The following UCMA variants were observed in gnomAD, a reference collection of about 807,000 sequenced individuals.
UCMA encodes upper zone of growth plate and cartilage matrix associated.
Under a neutral mutation model 21.8 loss-of-function variants are expected in UCMA, and 21 were observed. The observed-to-expected ratio is 0.97, with a 90% CI of 0.68 to 1.39. The LOEUF (loss-of-function observed/expected upper bound fraction) is 1.39, where lower values mean the gene tolerates loss of function less well. UCMA is among the 40% of genes most tolerant of loss of function. The pLI is 0.00. For synonymous variants in UCMA, 76 were observed against 67.9 expected (o/e 1.12, Z -0.58); for missense variants, 193 against 178.9 (o/e 1.08, Z -0.45).
At chr10:13,224,125 A>G (rs1248727001) in intron 4 of UCMA, among the ~76,000 whole-genome samples, 2 of 152,154 alleles carry the variant, frequency 1.3e-5, no homozygotes, top group Admixed American at 6.5e-5. Context: ...GGAGTTTGAG[A>G]CCAGCCTGAG....
intron 4 of UCMA, among the ~76,000 whole-genome samples, chr10:13,222,963 G>A (rs986215659): frequency 6.2e-4 from 94 of 151,926 alleles, no homozygotes; most frequent in African/African-American, 2.2e-3. Context: ...GATGGCTCAT[G>A]CCTATAATCC....
At chr10:13,226,062 C>T (rs1032036833) in intron 4 of UCMA, among the ~76,000 whole-genome samples, 1 of 152,146 alleles carries the variant, frequency 6.6e-6, no homozygotes, top group Non-Finnish European at 1.5e-5. Context: ...TGCATTTGCT[C>T]ATCCTTGATT....
chr10:13,233,831 A>G (rs1834933954), intron 1 of UCMA, 31 bp from the exon 2 acceptor site: 2 of 1,612,820 alleles, frequency 1.2e-6, no homozygotes, highest in Non-Finnish European at 1.7e-6. Flanking sequence ...GTGAGGCTGC[A>G]GCATCAGAGG....
chr10:13,227,354 C>T (rs556191941), intron 4 of UCMA, among the ~76,000 whole-genome samples: 10 of 152,316 alleles, frequency 6.6e-5, no homozygotes, highest in South Asian at 2.1e-4. Flanking sequence ...TCCAAGTTCA[C>T]GTGCACCCAG....
At chr10:13,232,145 A>AC (rs1554779174) in intron 3 of UCMA, among the ~76,000 whole-genome samples, 1 of 151,846 alleles carries the variant, frequency 6.6e-6, no homozygotes, top group African/African-American at 2.4e-5. Flanking sequence ...AGGCCGAGGC[A>AC]GGGGGGTCAC....
At chr10:13,231,879 A>G (rs771777275) in intron 3 of UCMA, among the ~76,000 whole-genome samples, 56 of 152,186 alleles carry the variant, frequency 3.7e-4, no homozygotes, top group Non-Finnish European at 6.9e-4. Context: ...CCTGCCCTTT[A>G]TCCAACCTGA....
chr10:13,234,069 C>T, intron 1 of UCMA, 132 bp downstream of exon 1: 2 of 760,152 alleles, frequency 2.6e-6, no homozygotes, highest in Non-Finnish European at 4.2e-6. Flanking sequence ...ATGCACACGA[C>T]ACACACATAC....
At chr10:13,225,748 GT>G (rs377416848) in intron 4 of UCMA, among the ~76,000 whole-genome samples, 5 of 152,074 alleles carry the variant, frequency 3.3e-5, no homozygotes, top group African/African-American at 1.2e-4. Context: ...TGACTGACAG[GT>G]ATGTCAGGGG....
chr10:13,229,539 A>C, intron 4 of UCMA, 72 bp downstream of exon 4: 1 of 1,375,798 alleles, frequency 7.3e-7, no homozygotes. Flanking sequence ...TGGGTAGAAG[A>C]AGAGAAAGCA....
Position 13,233,621 on chromosome 10 carries a change from TTC to T in UCMA, c.135_136del (p.Lys46AspfsTer25). On this transcript the variant is annotated frameshift_variant, in exon 3 of 5. Coordinates refer to ENST00000378681, the MANE Select transcript of UCMA (RefSeq NM_145314.3). LOFTEE classifies it high-confidence loss of function. ...GGCATCTGATTCCTGCATGAAAATCTTCTGTTTTGCATCTGAAACCCGGGAGA... is the reference window on the plus strand; with the variant it reads ...GGCATCTGATTCCTGCATGAAAATCTTGTTTTGCATCTGAAACCCGGGAGA... The T allele has an allele frequency of 6.2e-7, 1 of 1,614,154 alleles. No homozygotes were observed. Among genetic ancestry groups the T allele is most frequent in the South Asian group, 1.1e-5 (1 of 91,088 alleles).
intron 3 of UCMA, among the ~76,000 whole-genome samples, chr10:13,229,951 A>G (rs1035876191): frequency 6.6e-6 from 1 of 152,238 alleles, no homozygotes; most frequent in Non-Finnish European, 1.5e-5. Flanking sequence ...CAGAGAGTAA[A>G]GTGATTTAGC....
In UCMA at chr10:13,234,276, C is replaced by T; in HGVS notation, c.-18G>A. On this transcript the variant is annotated 5_prime_UTR_variant, in exon 1 of 5. Transcript: ENST00000378681. Reference sequence around the variant, plus strand: ...CAAGTCATCTTTGCAGAGGTAGGGGCTCCGTCCAGGACCCACAAGGCAGAC... The same window carrying T: ...CAAGTCATCTTTGCAGAGGTAGGGGTTCCGTCCAGGACCCACAAGGCAGAC... 2 of 1,613,126 alleles carry T rather than the reference C, an allele frequency of 1.2e-6. No individual in the cohort carries two copies. The highest frequency in any genetic ancestry group is 8.5e-7 in the Non-Finnish European group (1 of 1,179,834).
At chr10:13,222,806 T>C (rs1157139021) in intron 4 of UCMA, among the ~76,000 whole-genome samples, 1 of 150,470 alleles carries the variant, frequency 6.6e-6, no homozygotes, top group Non-Finnish European at 1.5e-5. Flanking sequence ...ATCCTCCCAC[T>C]TCAGCCTCCT....
At chr10:13,232,421 TA>T (rs748287508) in intron 3 of UCMA, among the ~76,000 whole-genome samples, 9 of 142,866 alleles carry the variant, frequency 6.3e-5, no homozygotes, top group African/African-American at 2.3e-4. Context: ...TTGCCTGGCC[TA>T]AAATCATGCC....
intron 4 of UCMA, among the ~76,000 whole-genome samples, chr10:13,227,970 C>G: frequency 6.6e-6 from 1 of 152,014 alleles, no homozygotes; most frequent in Non-Finnish European, 1.5e-5. Flanking sequence ...CCAGCACTTT[C>G]TAAGAGCAGA....
intron 1 of UCMA, 112 bp downstream of exon 1, chr10:13,234,089 A>G: frequency 1.0e-6 from 1 of 983,116 alleles, no homozygotes; most frequent in Non-Finnish European, 1.5e-6. Flanking sequence ...CACACATGTT[A>G]ACAATAAGCA....
chr10:13,229,583 C>T, intron 4 of UCMA, 28 bp downstream of exon 4: 1 of 1,601,596 alleles, frequency 6.2e-7, no homozygotes, highest in Non-Finnish European at 8.6e-7. Context: ...CTCCACCTCC[C>T]TGAAGACACT....
intron 4 of UCMA, among the ~76,000 whole-genome samples, chr10:13,224,873 G>A (rs895058935): frequency 6.6e-6 from 1 of 152,276 alleles, no homozygotes; most frequent in East Asian, 1.9e-4. Context: ...TCCCCTTGGT[G>A]CTGAAAATCC....
At position 13,233,774 on chromosome 10, in the gene UCMA, CAG is replaced by C; in HGVS notation, c.83_84del (p.Ser28CysfsTer13). Reference protein sequence around the residue: ...LSMLREGTSVSVGTMQMAGEE... With the variant: ...LSMLREGTSVXVGTMQMAGEE... ...TCTCCCGCCATCTGCATGGTGCCCA[CAG>C]ATACACTGGTTCCCTCTCTCAGCAC... On this transcript the variant is annotated frameshift_variant, in exon 2 of 5. Transcript: ENST00000378681. LOFTEE classifies it high-confidence loss of function. 3 of 1,613,976 alleles carry C rather than the reference CAG, an allele frequency of 1.9e-6. No individual in the cohort carries two copies. The highest frequency in any genetic ancestry group is 2.5e-6 in the Non-Finnish European group (3 of 1,180,008).
Sources: allele counts gnomAD v4.1 joint callset (sites outside exome capture counted in the v4.1 genomes callset), GRCh38; gene constraint gnomAD v4.1.1; transcripts MANE v1.5; gene names NCBI Gene and HGNC (gene_info 2026-07-23, HGNC 2026-07-21).